TENM3: variants seen among roughly 807,000 people sequenced by gnomAD.
TENM3 encodes teneurin-3.
A neutral mutation model predicts 255.1 loss-of-function variants in TENM3; 63 were observed. That is an observed-to-expected ratio of 0.25 (90% CI 0.20 to 0.30). The LOEUF (loss-of-function observed/expected upper bound fraction) is 0.30. Among genes scored for constraint, TENM3 ranks in the 10% least tolerant of loss-of-function variants. The probability of loss-of-function intolerance (pLI) is 1.00; values close to 1 mark genes in which losing one functional copy is unlikely to be tolerated. For synonymous variants in TENM3, 1,306 were observed against 1,322.3 expected (o/e 0.99, Z 0.27); for missense variants, 2,929 against 3,461.1 (o/e 0.85, Z 3.86).
At chr4:182,361,672 C>T in intron 3 of TENM3, among the ~76,000 whole-genome samples, 3 of 151,836 alleles carry the variant, frequency 2.0e-5, no homozygotes. Context: ...TGAATTTCCT[C>T]CTGTAGCTCG....
chr4:182,205,373 T>C (rs907416796), intron 1 of TENM3, among the ~76,000 whole-genome samples: 10 of 152,208 alleles, frequency 6.6e-5, no homozygotes, highest in Non-Finnish European at 1.0e-4. Flanking sequence ...GAAACCTGGG[T>C]CTTTGCTTGA....
chr4:182,519,688 T>G (rs1738361659), intron 3 of TENM3, among the ~76,000 whole-genome samples: 1 of 152,094 alleles, frequency 6.6e-6, no homozygotes, highest in Non-Finnish European at 1.5e-5. Context: ...TCAAAAACCT[T>G]TACAAGAAAA....
At chr4:181,551,747 T>A in the TENM3 span, among the ~76,000 whole-genome samples, 1 of 151,754 alleles carries the variant, frequency 6.6e-6, no homozygotes, top group South Asian at 2.1e-4. Context: ...AAACTTTCTT[T>A]GAACCAGAAT....
At chr4:182,018,956 A>G in the TENM3 span, among the ~76,000 whole-genome samples, 5 of 152,160 alleles carry the variant, frequency 3.3e-5, no homozygotes, top group African/African-American at 1.2e-4. Context: ...TGTCCAGATC[A>G]CAGTGCAAGC....
intron 24 of TENM3, among the ~76,000 whole-genome samples, chr4:182,777,696 T>G (rs989523239): frequency 1.3e-5 from 2 of 150,678 alleles, no homozygotes; most frequent in Non-Finnish European, 3.0e-5. Context: ...TAGCTAGGAC[T>G]ACAGACACAC....
the TENM3 span, among the ~76,000 whole-genome samples, chr4:182,118,473 G>C: frequency 2.0e-5 from 3 of 151,852 alleles, no homozygotes; most frequent in Non-Finnish European, 4.4e-5. Context: ...AGAGATGGGG[G>C]TCTAGCTATG....
At chr4:181,819,801 T>C in the TENM3 span, among the ~76,000 whole-genome samples, 4 of 152,286 alleles carry the variant, frequency 2.6e-5, no homozygotes, top group East Asian at 7.7e-4. Context: ...GCTCACTTGC[T>C]CTCAGCTCCC....
the TENM3 span, among the ~76,000 whole-genome samples, chr4:182,048,453 T>C: frequency 2.0e-5 from 3 of 152,206 alleles, no homozygotes; most frequent in Non-Finnish European, 4.4e-5. Flanking sequence ...ATGCTCTTTG[T>C]TGATTTATAA....
the TENM3 span, among the ~76,000 whole-genome samples, chr4:182,010,902 A>T: frequency 6.6e-6 from 1 of 152,082 alleles, no homozygotes; most frequent in Non-Finnish European, 1.5e-5. Context: ...TGCCATCAGC[A>T]GTTACCTGGC....
intron 3 of TENM3, among the ~76,000 whole-genome samples, chr4:182,512,929 T>C (rs1737569404): frequency 6.6e-6 from 1 of 152,208 alleles, no homozygotes; most frequent in African/African-American, 2.4e-5. Flanking sequence ...TTTTAGCACA[T>C]AAGAAGTGTC....
intron 3 of TENM3, among the ~76,000 whole-genome samples, chr4:182,504,919 C>T (rs1024140706): frequency 9.2e-5 from 14 of 152,184 alleles, no homozygotes; most frequent in Admixed American, 1.3e-4. Context: ...ACTTGGGTAT[C>T]ATGATGTTAT....
At chr4:182,062,013 T>A in the TENM3 span, among the ~76,000 whole-genome samples, 1 of 152,186 alleles carries the variant, frequency 6.6e-6, no homozygotes. Flanking sequence ...TTGGAGCTTT[T>A]TACTTTTTTG....
the TENM3 span, among the ~76,000 whole-genome samples, chr4:181,492,651 C>A: frequency 6.6e-6 from 1 of 152,086 alleles, no homozygotes; most frequent in Non-Finnish European, 1.5e-5. Flanking sequence ...GACGTAGATT[C>A]TATCATTGTT....
chr4:181,541,532 G>A, the TENM3 span, among the ~76,000 whole-genome samples: 1 of 152,104 alleles, frequency 6.6e-6, no homozygotes, highest in Non-Finnish European at 1.5e-5. Flanking sequence ...TGTATGGTTT[G>A]GCAATTCCAA....
chr4:182,642,512 G>A (rs1752403540), intron 5 of TENM3, among the ~76,000 whole-genome samples: 1 of 152,116 alleles, frequency 6.6e-6, no homozygotes, highest in African/African-American at 2.4e-5. Flanking sequence ...AAATATCCTG[G>A]CAGAAACAAA....
At chr4:182,743,505 C>G in intron 19 of TENM3, 86 bp downstream of exon 19, 1 of 1,449,194 alleles carries the variant, frequency 6.9e-7, no homozygotes. Flanking sequence ...CTGATTTATT[C>G]ATAGAAAAAT....
chr4:182,526,650 C>T (rs79101232), intron 3 of TENM3, among the ~76,000 whole-genome samples: 22,870 of 152,140 alleles, frequency 0.15, 1,827 homozygotes, highest in South Asian at 0.19. Context: ...GTTTTGTTCA[C>T]CTCTCAAACA....
intron 22 of TENM3, among the ~76,000 whole-genome samples, chr4:182,765,839 C>T (rs569370670): frequency 1.3e-5 from 2 of 152,256 alleles, no homozygotes; most frequent in East Asian, 1.9e-4. Flanking sequence ...TTTACCATTT[C>T]CTTCCAACTT....
chr4:182,342,131 T>TCTA (rs1433190673), intron 2 of TENM3, among the ~76,000 whole-genome samples: 1 of 152,152 alleles, frequency 6.6e-6, no homozygotes, highest in Non-Finnish European at 1.5e-5. Flanking sequence ...CAGTTCCTCT[T>TCTA]CTAGGATATG....
Sources: gnomAD v4.1 joint callset for allele counts (sites outside exome capture counted in the v4.1 genomes callset) on GRCh38, gnomAD v4.1.1 for gene constraint, MANE v1.5 for transcripts, NCBI Gene and HGNC (gene_info 2026-07-23, HGNC 2026-07-21) for gene names.